Variants in SACM1L observed in about 807,000 individuals in gnomAD.
The protein encoded by SACM1L is SAC1 like phosphatidylinositide phosphatase, also known as phosphatidylinositol-3-phosphatase SAC1.
SACM1L carries 32 observed loss-of-function variants against 89.5 expected under a neutral mutation model. The observed-to-expected ratio is 0.36, with a 90% confidence interval of 0.27 to 0.48. The LOEUF (loss-of-function observed/expected upper bound fraction) is 0.48. SACM1L is among the 20% of genes least tolerant of loss of function. The pLI is 0.99. For synonymous variants in SACM1L, 213 were observed against 232.8 expected, an observed-to-expected ratio of 0.92 and a Z score of 0.77; for missense variants, 543 against 708.5, an observed-to-expected ratio of 0.77 and a Z score of 2.65.
At chr3:45,701,212 C>T (rs747478877) in intron 1 of SACM1L, among the ~76,000 whole-genome samples, 34 of 151,870 alleles carry the variant, frequency 2.2e-4, no homozygotes, top group Non-Finnish European at 8.8e-5. Context: ...TGCCAGCCTA[C>T]CAAAGGATGA....
Position 45,714,053 on chromosome 3 carries a change from G to T in SACM1L, c.551G>T (p.Arg184Leu). ...TATATATCTTCATTTCAGGTTCATCGGTTTGCCCTTCCAGTGTTACATGGC... is the reference window on the plus strand; with the variant it reads ...TATATATCTTCATTTCAGGTTCATCTGTTTGCCCTTCCAGTGTTACATGGC... ...RELSAQPEVH[R>L]FALPVLHGFI... Residue 184 changes from arginine to leucine, a missense_variant, in exon 7 of 20, where the codon CGG becomes CTG. Arg to Leu is a moderately radical substitution (Grantham distance 102). This residue lies in a region of SACM1L where 370 missense variants were observed against 527.6 expected (regional missense o/e 0.70). Coordinates refer to ENST00000389061, the MANE Select transcript of SACM1L (RefSeq NM_014016.5). The T allele has an allele frequency of 1.3e-6, 2 of 1,527,020 alleles. No individual in the cohort carries two copies. The highest frequency in any genetic ancestry group is 1.3e-5 in the South Asian group (1 of 79,942). 94.6% of individuals were successfully genotyped at this position (1,527,020 alleles called of 1,614,324 possible).
intron 1 of SACM1L, among the ~76,000 whole-genome samples, chr3:45,699,404 G>C (rs932822665): frequency 6.6e-6 from 1 of 151,014 alleles, no homozygotes; most frequent in Admixed American, 6.6e-5. Context: ...GAAGCCTCAT[G>C]GTGTATCATA....
chr3:45,703,313 G>A (rs916991410), intron 1 of SACM1L, 125 bp from the exon 2 acceptor site: 4 of 633,544 alleles, frequency 6.3e-6, no homozygotes, highest in Non-Finnish European at 1.1e-5. Flanking sequence ...AAACTTAACA[G>A]ATTCATCCTT....
rs187286505 is a variant in SACM1L, at chr3:45,706,508, T to A, written c.206-272T>A. Among the ~76,000 whole-genome samples the A allele has an allele frequency of 2.9e-3, 442 of 152,336 alleles. 1 individual carries two copies. The highest frequency in any genetic ancestry group is 2.9e-3 in the Non-Finnish European group (194 of 68,034). ...AAGAGAAGTATTTTCTGTCTCTACT[T>A]TCCATTTACTAAGACAAATCCTTTG... On this transcript the variant is annotated intron_variant, in intron 3 of 19. Coordinates refer to ENST00000389061, the MANE Select transcript of SACM1L (RefSeq NM_014016.5).
intron 9 of SACM1L, 125 bp from the exon 10 acceptor site, chr3:45,722,744 T>G: frequency 1.6e-6 from 1 of 613,240 alleles, no homozygotes; most frequent in Non-Finnish European, 2.8e-6. Flanking sequence ...ACTTTTAAAG[T>G]TGTCGGTAGA....
intron 1 of SACM1L, among the ~76,000 whole-genome samples, chr3:45,701,520 T>TA (rs905462421): frequency 6.6e-6 from 1 of 152,030 alleles, no homozygotes; most frequent in African/African-American, 2.4e-5. Flanking sequence ...ATAGTGGGTT[T>TA]AAAAAAAATG....
chr3:45,743,410 C>T (rs1699357215), intron 19 of SACM1L, 123 bp from the exon 20 acceptor site: 2 of 997,776 alleles, frequency 2.0e-6, no homozygotes, highest in African/African-American at 3.3e-5. Context: ...TTAAGAGGTT[C>T]TTATATTTTT....
chr3:45,723,501 T>C lies in SACM1L; in HGVS notation c.879T>C (p.Asp293=). The C allele has an allele frequency of 6.6e-7, 1 of 1,508,910 alleles. No individual in the cohort carries two copies. The highest frequency in any genetic ancestry group is 8.9e-7 in the Non-Finnish European group (1 of 1,119,604). The allele number at this position is 1,508,910 out of a possible 1,614,324, so 93.5% of individuals were successfully genotyped here. The part of the protein sequence containing the change: ...NHMDGFQRHF[D]SQVIIYGKQV... ...TGGACGGTTTCCAAAGGCATTTTGA[T>C]TCCCAAGTAATTATTTATGGAAAAC... Residue 293 remains aspartate (D), a synonymous_variant, in exon 11 of 20, where the codon GAT becomes GAC. Coordinates refer to ENST00000389061, the MANE Select transcript of SACM1L (RefSeq NM_014016.5).
rs150463918 is a variant in SACM1L, at chr3:45,727,497, C to T, written c.922-3804C>T. 1.2e-4 allele frequency among the ~76,000 whole-genome samples: 18 copies of T among 152,246 alleles called. No individual in the cohort carries two copies. The East Asian group carries it at 3.3e-3, about 28-fold the overall frequency. ...ATGTGTATTCTGCTGCTGTTGGGTA[C>T]AGTAATATGGTCTGATTGGTTTATG... is the stretch of plus-strand genomic sequence containing the variant. On this transcript the variant is annotated intron_variant, in intron 11 of 19. Transcript: ENST00000389061.
chr3:45,743,778 C>G lies in SACM1L; in HGVS notation c.*109C>G. 8.7e-7 allele frequency: 1 copy of G among 1,154,556 alleles called. No homozygotes were observed. The highest frequency in any genetic ancestry group is 1.2e-6 in the Non-Finnish European group (1 of 824,524). The allele number at this position is 1,154,556 out of a possible 1,614,324, so 71.5% of individuals were successfully genotyped here. ...CCCAAGGTCTTTTTAATGCCTTTATCCAAAAGCACATCTTGTGCTCCATGC... is the reference window on the plus strand; with the variant it reads ...CCCAAGGTCTTTTTAATGCCTTTATGCAAAAGCACATCTTGTGCTCCATGC... On this transcript the variant is annotated 3_prime_UTR_variant, in exon 20 of 20. Transcript: ENST00000389061.
rs1470468314 is a variant in SACM1L, at chr3:45,706,796, C to T, written c.222C>T (p.Val74=). The part of the protein sequence containing the change: ...IHLVAGNYLI[V]ITKKIKVGEF... The stretch of plus-strand genomic sequence containing the variant: ...TTTTTGCAGGTAATTATCTTATAGT[C>T]ATTACCAAAAAGATAAAAGTAGGTG... The change falls in exon 4 of 20, where the codon GTC becomes GTT. Residue 74 remains valine, a synonymous_variant. Transcript: ENST00000389061. The T allele has an allele frequency of 6.2e-7, 1 of 1,608,532 alleles. No homozygotes were observed. The highest frequency in any genetic ancestry group is 1.1e-5 in the South Asian group (1 of 90,438).
intron 11 of SACM1L, among the ~76,000 whole-genome samples, chr3:45,728,866 G>T (rs1298056161): frequency 6.6e-6 from 1 of 151,984 alleles, no homozygotes; most frequent in East Asian, 1.9e-4. Flanking sequence ...AGAGATGGGG[G>T]TCTCACTATA....
At chr3:45,710,263 C>T (rs1269396301) in intron 5 of SACM1L, among the ~76,000 whole-genome samples, 2 of 149,852 alleles carry the variant, frequency 1.3e-5, no homozygotes, top group African/African-American at 2.5e-5. Flanking sequence ...TGCAGTGGTG[C>T]GATCTCAGCT....
At chr3:45,724,441 G>A (rs1326804589) in intron 11 of SACM1L, among the ~76,000 whole-genome samples, 1 of 152,070 alleles carries the variant, frequency 6.6e-6, no homozygotes, top group Non-Finnish European at 1.5e-5. Context: ...TTGGCCATTT[G>A]TGTATCTTCT....
In SACM1L at chr3:45,707,850, A is replaced by G. The variant is rs559505052; in HGVS notation, c.333+943A>G. Among the ~76,000 whole-genome samples, 20 of 152,322 alleles carry G rather than the reference A, an allele frequency of 1.3e-4. No individual in the cohort carries two copies. In the South Asian group the frequency reaches 4.1e-3, roughly 32 times the overall value. The stretch of plus-strand genomic sequence containing the variant: ...GAAGAAATATTCTGTATCTTAATCT[A>G]TATGACAAGAAGGCGGCAAGCACTG... On this transcript the variant is annotated intron_variant, in intron 4 of 19. Transcript: ENST00000389061.
intron 11 of SACM1L, among the ~76,000 whole-genome samples, chr3:45,725,876 T>C (rs766049581): frequency 5.3e-5 from 8 of 152,120 alleles, no homozygotes; most frequent in Non-Finnish European, 1.0e-4. Context: ...TTCTTCTTTT[T>C]CTAAGTTATC....
rs542326629 is a variant in SACM1L, at chr3:45,694,276, G to C, written c.32+4779G>C. The stretch of plus-strand genomic sequence containing the variant: ...CTGCAGCATGCCTCTGAAGAGTACT[G>C]TTTCCTCAGGAAATTGCCATTTTTA... On this transcript the variant is annotated intron_variant, in intron 1 of 19. Transcript: ENST00000389061. Among the ~76,000 whole-genome samples, 18 of 152,172 alleles carry C rather than the reference G, an allele frequency of 1.2e-4. No individual in the cohort carries two copies. The South Asian group carries it at 3.7e-3, about 32-fold the overall frequency.
chr3:45,727,720 C>T (rs1385963469), intron 11 of SACM1L, among the ~76,000 whole-genome samples: 1 of 152,222 alleles, frequency 6.6e-6, no homozygotes, highest in East Asian at 1.9e-4. Context: ...CTCAGCCTCC[C>T]GAGTAGCTGG....
In SACM1L at chr3:45,698,150, A is replaced by G. The variant is rs996128773; in HGVS notation, c.33-5288A>G. ...GCCCAGGAAGCATAAAACATAGAAT[A>G]AAATTTATTACATAAAACAATTATG... On this transcript the variant is annotated intron_variant, in intron 1 of 19. Transcript: ENST00000389061. Among the ~76,000 whole-genome samples the G allele has an allele frequency of 2.0e-5, 3 of 152,372 alleles. No homozygotes were observed. The East Asian group carries it at 5.8e-4, about 29-fold the overall frequency.
Sources: allele counts gnomAD v4.1 joint callset (sites outside exome capture counted in the v4.1 genomes callset), GRCh38; gene constraint gnomAD v4.1.1; regional missense constraint gnomAD v4.1.1; transcripts MANE v1.5; gene names NCBI Gene and HGNC (gene_info 2026-07-23, HGNC 2026-07-21).